Variants in MBNL1 observed in about 807,000 individuals in gnomAD.
MBNL1 encodes the protein muscleblind-like protein 1.
In MBNL1, 8 loss-of-function variants were observed where a neutral mutation model predicts 42.2. The observed-to-expected ratio is 0.19, with a 90% confidence interval of 0.11 to 0.34. The LOEUF is 0.34. Ranked by LOEUF, MBNL1 falls within the 10% of genes least tolerant of loss-of-function variation. The pLI, the probability that MBNL1 is intolerant of heterozygous loss-of-function variation, is 1.00. For synonymous variants in MBNL1, 169 were observed against 173.9 expected, an observed-to-expected ratio of 0.97 and a Z score of 0.22; for missense variants, 309 against 495.3, an observed-to-expected ratio of 0.62 and a Z score of 3.57.
chr3:152,392,978 C>T (rs540830954), intron 2 of MBNL1, among the ~76,000 whole-genome samples: 92 of 152,202 alleles, frequency 6.0e-4, no homozygotes, highest in African/African-American at 2.1e-3. Flanking sequence ...CAATTTGTTG[C>T]GTTGGATCCT....
At chr3:152,455,423 C>A in intron 6 of MBNL1, 119 bp from the exon 7 acceptor site, 1 of 782,432 alleles carries the variant, frequency 1.3e-6, no homozygotes, top group East Asian at 2.4e-5. Context: ...TGCCACTGTT[C>A]CCATAATAAC....
At chr3:152,342,564 A>ACC (rs2093511869) in intron 2 of MBNL1, among the ~76,000 whole-genome samples, 1 of 126,274 alleles carries the variant, frequency 7.9e-6, no homozygotes, top group Admixed American at 7.8e-5. Context: ...ACACACACAC[A>ACC]CACACACACA....
At chr3:152,296,497 G>A (rs1437982717) in intron 1 of MBNL1, among the ~76,000 whole-genome samples, 1 of 152,136 alleles carries the variant, frequency 6.6e-6, no homozygotes, top group African/African-American at 2.4e-5. Context: ...TGAAATATTC[G>A]TGACGCATAA....
At chr3:152,305,569 G>A (rs1289289685) in intron 2 of MBNL1, among the ~76,000 whole-genome samples, 2 of 151,672 alleles carry the variant, frequency 1.3e-5, no homozygotes, top group Non-Finnish European at 2.9e-5. Flanking sequence ...TAACAGCTAG[G>A]CCAAAAATCA....
At chr3:152,254,709 T>G (rs1375878753) in intron 2 of MBNL1, among the ~76,000 whole-genome samples, 1 of 152,030 alleles carries the variant, frequency 6.6e-6, no homozygotes, top group Admixed American at 6.6e-5. Flanking sequence ...CCCTAAATAA[T>G]AATAAAACCA....
At chr3:152,282,517 C>T (rs1259222549) in intron 1 of MBNL1, among the ~76,000 whole-genome samples, 2 of 151,972 alleles carry the variant, frequency 1.3e-5, no homozygotes. Flanking sequence ...ATATTCTAGG[C>T]ACTGTGCTAG....
intron 2 of MBNL1, chr3:152,262,681 C>T (rs777924345): frequency 3.9e-5 from 6 of 152,138 alleles, no homozygotes; most frequent in Admixed American, 2.6e-4. Context: ...GGTTACAGTA[C>T]ATAAAACAGT....
rs1241215339 is a variant in MBNL1, at chr3:152,465,365, G to A, written c.*2999G>A. 1 of 152,548 alleles carries A rather than the reference G, an allele frequency of 6.6e-6. No homozygotes were observed. The highest frequency in any genetic ancestry group is 2.4e-5 in the African/African-American group (1 of 41,436). The allele number at this position is 152,548 out of a possible 1,614,324, so 9.4% of individuals were successfully genotyped here. A position where few individuals can be genotyped will look rare whatever the true frequency, so the allele number is the denominator to read the frequency against. ...AACCAAACAGCACACTGTAGCTATA[G>A]TTGTTATGTGATTGTTTTTTAATTG... On this transcript the variant is annotated 3_prime_UTR_variant, in exon 10 of 10. Transcript: ENST00000324210.
At chr3:152,434,371 A>C (rs2099050778) in intron 4 of MBNL1, among the ~76,000 whole-genome samples, 1 of 152,240 alleles carries the variant, frequency 6.6e-6, no homozygotes, top group Admixed American at 6.5e-5. Flanking sequence ...GTGTTGCTGC[A>C]AAGGACATGA....
chr3:152,336,776 A>G (rs964282539), intron 2 of MBNL1, among the ~76,000 whole-genome samples: 1 of 152,178 alleles, frequency 6.6e-6, no homozygotes, highest in Non-Finnish European at 1.5e-5. Flanking sequence ...GAGGGGAGAA[A>G]TCAATTTTCC....
intron 3 of MBNL1, among the ~76,000 whole-genome samples, chr3:152,425,233 G>A (rs952747746): frequency 6.6e-6 from 1 of 151,640 alleles, no homozygotes; most frequent in African/African-American, 2.4e-5. Flanking sequence ...ACATCAACAA[G>A]TGGGCAAAGG....
Position 152,268,966 on chromosome 3 carries a change from CAAT to C in MBNL1, c.-915_-913del, listed in dbSNP as rs1559952368. The C allele has an allele frequency of 2.2e-6, 1 of 456,272 alleles. No individual in the cohort carries two copies. Among genetic ancestry groups the C allele is most frequent in the East Asian group, 6.9e-5 (1 of 14,394 alleles). 28.3% of individuals were successfully genotyped at this position (456,272 alleles called of 1,614,324 possible). The stretch of plus-strand genomic sequence containing the variant: ...GCAGCTGAATGAGTTGTGGCGCCCA[CAAT>C]GCTCCCATGACAAGGAGCTGACAAG... On this transcript the variant is annotated 5_prime_UTR_variant, in exon 1 of 10. It removes an upstream start codon present in the reference 5' UTR. Transcript: ENST00000324210.
intron 2 of MBNL1, among the ~76,000 whole-genome samples, chr3:152,332,534 T>C (rs1397229431): frequency 6.6e-6 from 1 of 152,186 alleles, no homozygotes; most frequent in Non-Finnish European, 1.5e-5. Flanking sequence ...AAACTGTAAA[T>C]GACACACCAC....
chr3:152,299,858 G>T lies in MBNL1; in HGVS notation c.-336G>T. ...CCACGTTTTCATGCTTGCATTTTGG[G>T]CTCCAAATTGGCACTGGGAAGGGGT... is the stretch of plus-strand genomic sequence containing the variant. On this transcript the variant is annotated 5_prime_UTR_variant, in exon 2 of 10. Transcript: ENST00000324210. The T allele has an allele frequency of 7.4e-6, 3 of 402,868 alleles. No homozygotes were observed. Among genetic ancestry groups the T allele is most frequent in the Non-Finnish European group, 1.3e-5 (3 of 228,822 alleles). 25.0% of individuals were successfully genotyped at this position (402,868 alleles called of 1,614,324 possible). A position where few individuals can be genotyped will look rare whatever the true frequency, so the allele number is the denominator to read the frequency against.
chr3:152,276,917 A>T (rs2045562722), intron 1 of MBNL1, among the ~76,000 whole-genome samples: 1 of 152,118 alleles, frequency 6.6e-6, no homozygotes, highest in South Asian at 2.1e-4. Flanking sequence ...CTAGAATGAA[A>T]AGGAGGACAT....
intron 4 of MBNL1, among the ~76,000 whole-genome samples, chr3:152,434,304 A>T (rs2153780229): frequency 6.6e-6 from 1 of 152,260 alleles, no homozygotes; most frequent in South Asian, 2.1e-4. Flanking sequence ...ACATGTGGTT[A>T]TGTGGTTTCC....
At position 152,300,112 on chromosome 3, in the gene MBNL1, T is replaced by C. The variant is rs2060107969; in HGVS notation, c.-82T>C. The C allele has an allele frequency of 1.1e-6, 1 of 877,420 alleles. No homozygotes were observed. The allele number at this position is 877,420 out of a possible 1,614,324, so 54.4% of individuals were successfully genotyped here. ...ACATTTTCATCATCAGTTCAGCTTT[T>C]TTTTTTTGGTTGTTGCTCTTTTTTG... On this transcript the variant is annotated 5_prime_UTR_variant, in exon 2 of 10. Transcript: ENST00000324210.
intron 2 of MBNL1, chr3:152,301,773 A>G (rs1305735852): frequency 3.3e-5 from 5 of 152,160 alleles, no homozygotes; most frequent in Non-Finnish European, 7.4e-5. Context: ...TCCTAAATTC[A>G]TGCTGGCTGA....
At chr3:152,325,211 T>C (rs926953688) in intron 2 of MBNL1, among the ~76,000 whole-genome samples, 11 of 151,560 alleles carry the variant, frequency 7.3e-5, no homozygotes, top group Admixed American at 6.6e-4. Context: ...GGCTCATACA[T>C]TCCCTCCTCT....
Sources: gnomAD v4.1 joint callset for allele counts (sites outside exome capture counted in the v4.1 genomes callset) on GRCh38, gnomAD v4.1.1 for gene constraint, MANE v1.5 for transcripts, NCBI Gene and HGNC (gene_info 2026-07-23, HGNC 2026-07-21) for gene names.